Variants in TACC2 observed in about 807,000 individuals in gnomAD.
TACC2 encodes transforming acidic coiled-coil containing protein 2, also known as transforming acidic coiled-coil-containing protein 2.
In TACC2, 137 loss-of-function variants were observed where a neutral mutation model predicts 227.3. That is an observed-to-expected ratio of 0.60 (90% CI 0.52 to 0.69). The LOEUF (loss-of-function observed/expected upper bound fraction) is 0.69. Ranked by LOEUF, TACC2 falls within the 30% of genes least tolerant of loss-of-function variation. The pLI is 0.00. For synonymous variants in TACC2, 1,523 were observed against 1,487.5 expected (o/e 1.02, Z -0.55); for missense variants, 3,470 against 3,694.4 (o/e 0.94, Z 1.57).
At chr10:122,163,701 A>G (rs1282914004) in intron 7 of TACC2, 4 of 1,112,988 alleles carry the variant, frequency 3.6e-6, no homozygotes, top group Non-Finnish European at 4.4e-6. Flanking sequence ...CGCCGGCCAC[A>G]CTCGCGCGCA....
intron 5 of TACC2, among the ~76,000 whole-genome samples, chr10:122,109,455 C>T (rs762072920): frequency 3.9e-5 from 6 of 152,098 alleles, no homozygotes; most frequent in African/African-American, 2.4e-5. Context: ...AACATTAACC[C>T]GGTGAGTCTT....
chr10:122,213,523 C>T, intron 9 of TACC2: 1 of 775,820 alleles, frequency 1.3e-6, no homozygotes, highest in South Asian at 1.5e-5. Context: ...GGGCATGGGG[C>T]TCCCCAGTAG....
intron 8 of TACC2, among the ~76,000 whole-genome samples, chr10:122,204,781 C>T (rs187865790): frequency 1.7e-4 from 26 of 151,788 alleles, no homozygotes; most frequent in African/African-American, 5.1e-4. Flanking sequence ...GCTATGATAA[C>T]GCCACTGCAC....
intron 7 of TACC2, among the ~76,000 whole-genome samples, chr10:122,156,537 T>G (rs1451541842): frequency 3.3e-5 from 5 of 152,212 alleles, no homozygotes; most frequent in Non-Finnish European, 7.3e-5. Flanking sequence ...AGGGTCACTC[T>G]TTCATAAACA....
rs2075582354 is a variant in TACC2 at position 122,050,754 on chromosome 10, T to C, written c.146+204T>C. On this transcript the variant is annotated intron_variant, in intron 3 of 22. Transcript: ENST00000369005. The surrounding 1 kb of genome is among the most constrained non-coding windows in gnomAD (Gnocchi z 4.6). Reference sequence around the variant, plus strand: ...TGCATGATTGAAAAATTCATCCTGATTGCCTGCCCAAAGATGAAATTAGTA... The same window carrying C: ...TGCATGATTGAAAAATTCATCCTGACTGCCTGCCCAAAGATGAAATTAGTA... 1.9e-6 allele frequency: 1 copy of C among 530,778 alleles called. No individual in the cohort carries two copies. The highest frequency in any genetic ancestry group is 1.9e-5 in the African/African-American group (1 of 52,000). 32.9% of individuals were successfully genotyped at this position (530,778 alleles called of 1,614,324 possible).
intron 7 of TACC2, among the ~76,000 whole-genome samples, chr10:122,167,778 A>T (rs990979188): frequency 4.6e-5 from 7 of 152,208 alleles, no homozygotes; most frequent in Non-Finnish European, 1.0e-4. Context: ...GCAAAAGTGG[A>T]AATGCCCTAT....
chr10:122,085,015 A>C lies in TACC2; in HGVS notation c.2515A>C (p.Thr839Pro), dbSNP rs776477606. The C allele has an allele frequency of 6.2e-7, 1 of 1,614,204 alleles. No individual in the cohort carries two copies. Among genetic ancestry groups the C allele is most frequent in the Admixed American group, 1.7e-5 (1 of 60,028 alleles). ...HLQPSQAQPE[T>P]SIFDVLKEQA... ...CCAGCCATCCCAGGCACAACCAGAG[A>C]CATCCATCTTTGACGTGCTCAAGGA... Residue 839 changes from threonine to proline, a missense_variant, in exon 4 of 23, where the codon ACA becomes CCA. Thr to Pro is a conservative substitution (Grantham distance 38). Around this residue, in one of 10 missense-constraint regions of TACC2, gnomAD observed 1,924 missense variants for 1,978.3 expected, o/e 0.97. Coordinates refer to ENST00000369005, the MANE Select transcript of TACC2 (RefSeq NM_206862.4).
intron 5 of TACC2, among the ~76,000 whole-genome samples, chr10:122,114,528 A>G (rs2084286392): frequency 6.6e-6 from 1 of 152,176 alleles, no homozygotes; most frequent in African/African-American, 2.4e-5. Context: ...GAATGGGACC[A>G]GTTGAGCCAG....
At chr10:122,173,009 TCA>T (rs2093552578) in intron 7 of TACC2, among the ~76,000 whole-genome samples, 2 of 152,138 alleles carry the variant, frequency 1.3e-5, no homozygotes. Context: ...CAGAACATCC[TCA>T]GACAGGTTTT....
rs146111568 is a variant in TACC2, at chr10:122,248,843, A to G, written c.8553+40A>G. 5.0e-5 allele frequency: 81 copies of G among 1,610,850 alleles called. No individual in the cohort carries two copies. The African/African-American group carries it at 9.9e-4, about 20-fold the overall frequency. ...GGGGGCCACGGAGGAGGAGGATCTG[A>G]TTGGGAGAGATTGTGGGAGCACTGG... On this transcript the variant is annotated intron_variant, in intron 20 of 22. Coordinates refer to ENST00000369005, the MANE Select transcript of TACC2 (RefSeq NM_206862.4).
Position 122,249,679 on chromosome 10 carries a change from G to T in TACC2, c.8781+15G>T. The T allele has an allele frequency of 6.2e-7, 1 of 1,606,180 alleles. No individual in the cohort carries two copies. Among genetic ancestry groups the T allele is most frequent in the Non-Finnish European group, 8.5e-7 (1 of 1,174,728 alleles). On this transcript the variant is annotated intron_variant, in intron 22 of 22. Transcript: ENST00000369005. ...TGGAGCAGAAGGTAATAGGGGAGGG[G>T]TGTGGCCTCCAGGTGGGCCGGGCTG...
intron 11 of TACC2, among the ~76,000 whole-genome samples, chr10:122,217,437 CTTTTTTTTTTTTTT>C (rs35233150): frequency 4.3e-5 from 4 of 93,250 alleles, no homozygotes; most frequent in Admixed American, 1.5e-4. Flanking sequence ...TTTCTTTTTT[CTTTTTTTTTTTTTT>C]TTTTTTTGAG....
chr10:122,176,405 C>T (rs1031552609), intron 7 of TACC2, among the ~76,000 whole-genome samples: 1 of 152,094 alleles, frequency 6.6e-6, no homozygotes, highest in African/African-American at 2.4e-5. Flanking sequence ...AGAACTTTGA[C>T]TCTTGCGCCC....
At chr10:122,208,401 C>A (rs2095196446) in intron 8 of TACC2, among the ~76,000 whole-genome samples, 1 of 152,180 alleles carries the variant, frequency 6.6e-6, no homozygotes, top group African/African-American at 2.4e-5. Flanking sequence ...AGAAAGGTTG[C>A]TATGAGCAAA....
chr10:122,096,257 A>G (rs868361882), intron 5 of TACC2, among the ~76,000 whole-genome samples: 3 of 152,152 alleles, frequency 2.0e-5, no homozygotes, highest in African/African-American at 7.2e-5. Context: ...GGCTTCACCT[A>G]TGTGACCTCA....
At chr10:122,198,635 G>A (rs562139612) in intron 8 of TACC2, among the ~76,000 whole-genome samples, 43 of 152,258 alleles carry the variant, frequency 2.8e-4, no homozygotes, top group African/African-American at 9.4e-4. Flanking sequence ...AGTGACACGC[G>A]GAGGTTACGA....
At chr10:122,165,035 G>A (rs954676001) in intron 7 of TACC2, among the ~76,000 whole-genome samples, 1 of 152,118 alleles carries the variant, frequency 6.6e-6, no homozygotes, top group African/African-American at 2.4e-5. Context: ...GCTGAGCCTC[G>A]TGGTTTTCTG....
intron 5 of TACC2, among the ~76,000 whole-genome samples, chr10:122,112,746 A>G (rs927359001): frequency 4.1e-4 from 63 of 152,330 alleles, no homozygotes; most frequent in African/African-American, 1.5e-3. Context: ...ACAAGTTGTC[A>G]TGACTCAGAG....
In TACC2 at chr10:122,249,119, C is replaced by G; in HGVS notation, c.8623C>G (p.Gln2875Glu). Residue 2875 changes from glutamine (Q) to glutamate (E), a missense_variant, in exon 21 of 23, where the codon CAG (glutamine) becomes GAG (glutamate). Coordinates refer to ENST00000369005, the MANE Select transcript of TACC2 (RefSeq NM_206862.4). Reference protein sequence around the residue: ...SRVKKEEQRYQALKVHAEEKL... With the variant: ...SRVKKEEQRYEALKVHAEEKL... The stretch of plus-strand genomic sequence containing the variant: ...GGTGAAGAAGGAGGAGCAGAGGTAC[C>G]AGGCCCTGAAGGTGCACGCGGAGGA... 6.2e-7 allele frequency: 1 copy of G among 1,613,022 alleles called. No homozygotes were observed. The highest frequency in any genetic ancestry group is 8.5e-7 in the Non-Finnish European group (1 of 1,179,830).
Sources: allele counts gnomAD v4.1 joint callset (sites outside exome capture counted in the v4.1 genomes callset), GRCh38; gene constraint gnomAD v4.1.1; regional missense constraint gnomAD v4.1.1; non-coding constraint Gnocchi (gnomAD v3.1); transcripts MANE v1.5; gene names NCBI Gene and HGNC (gene_info 2026-07-23, HGNC 2026-07-21).